JMJD1C: variants seen among roughly 807,000 people sequenced by gnomAD.
The protein encoded by JMJD1C is jumonji domain containing 1C.
JMJD1C carries 31 observed loss-of-function variants against 245.3 expected under a neutral mutation model. The ratio of observed to expected loss-of-function variants is 0.13; its 90% CI spans 0.09 to 0.17. The LOEUF is 0.17. JMJD1C is among the 10% of genes least tolerant of loss of function. The probability of loss-of-function intolerance (pLI) is 1.00; values close to 1 mark genes in which losing one functional copy is unlikely to be tolerated. For missense variants in JMJD1C, 2,691 were observed against 3,000.2 expected, an observed-to-expected ratio of 0.90 and a Z score of 2.41; for synonymous variants, 1,057 against 1,017.4, an observed-to-expected ratio of 1.04 and a Z score of -0.74.
chr10:63,508,850 A>G (rs1256739567), intron 1 of JMJD1C, among the ~76,000 whole-genome samples: 3 of 152,098 alleles, frequency 2.0e-5, no homozygotes, highest in African/African-American at 7.2e-5. Context: ...ATTCTTTTGA[A>G]TTTTCTTCAT....
chr10:63,395,800 T>C (rs1415920040), intron 1 of JMJD1C, among the ~76,000 whole-genome samples: 1 of 152,148 alleles, frequency 6.6e-6, no homozygotes, highest in African/African-American at 2.4e-5. Context: ...ACAATAAAGA[T>C]GAATTTCTAA....
rs116817017 is a variant in JMJD1C at position 63,200,004 on chromosome 10, T to C, written c.5276+472A>G. Among the ~76,000 whole-genome samples the C allele has an allele frequency of 6.0e-3, 919 of 152,234 alleles. 8 individuals are homozygous for C. Among genetic ancestry groups the C allele is most frequent in the African/African-American group, 0.021 (877 of 41,548 alleles). ...AGTTGTCCTACCACAGTTAATAAAC[T>C]CACACAGGAACTAAGAGACAGAGAT... On this transcript the variant is annotated intron_variant, in intron 11 of 25. Transcript: ENST00000399262.
At chr10:63,288,474 G>A (rs1309488863) in intron 2 of JMJD1C, among the ~76,000 whole-genome samples, 1 of 152,156 alleles carries the variant, frequency 6.6e-6, no homozygotes, top group East Asian at 1.9e-4. Context: ...TTAGGTTTTG[G>A]GGTAGATGTG....
At chr10:63,407,030 A>G (rs746857181) in intron 1 of JMJD1C, among the ~76,000 whole-genome samples, 2 of 152,162 alleles carry the variant, frequency 1.3e-5, no homozygotes, top group Non-Finnish European at 2.9e-5. Context: ...CTAAAGCCAA[A>G]TATTAGGGAA....
At chr10:63,353,611 G>A (rs916862602) in intron 2 of JMJD1C, among the ~76,000 whole-genome samples, 3 of 151,968 alleles carry the variant, frequency 2.0e-5, no homozygotes, top group African/African-American at 7.3e-5. Flanking sequence ...TTCCTCCCAA[G>A]TTCAAGTGAT....
At chr10:63,273,709 G>T (rs548087901) in intron 2 of JMJD1C, among the ~76,000 whole-genome samples, 1 of 152,138 alleles carries the variant, frequency 6.6e-6, no homozygotes, top group African/African-American at 2.4e-5. Context: ...CAGGCTAGGG[G>T]AAGAGGAAAC....
intron 2 of JMJD1C, among the ~76,000 whole-genome samples, chr10:63,288,928 TG>T: frequency 8.9e-6 from 1 of 112,450 alleles, no homozygotes; most frequent in Non-Finnish European, 1.6e-5. Context: ...ATAATAATAA[TG>T]ATAATAATCT....
intron 2 of JMJD1C, among the ~76,000 whole-genome samples, chr10:63,355,868 C>T (rs1944798725): frequency 6.6e-6 from 1 of 152,040 alleles, no homozygotes; most frequent in African/African-American, 2.4e-5. Context: ...AATGAGGTTT[C>T]AAGGCTAGCT....
At chr10:63,398,364 C>T (rs1181504390) in intron 1 of JMJD1C, among the ~76,000 whole-genome samples, 2 of 152,060 alleles carry the variant, frequency 1.3e-5, no homozygotes, top group Admixed American at 1.3e-4. Flanking sequence ...CTTCAATTAC[C>T]TGTATTTTAC....
At chr10:63,378,361 G>A (rs1468232264) in intron 2 of JMJD1C, among the ~76,000 whole-genome samples, 1 of 152,116 alleles carries the variant, frequency 6.6e-6, no homozygotes, top group East Asian at 1.9e-4. Flanking sequence ...GAGGGCCGAG[G>A]CGGGTGGATC....
At chr10:63,409,762 C>T (rs1231137292) in intron 1 of JMJD1C, among the ~76,000 whole-genome samples, 2 of 152,122 alleles carry the variant, frequency 1.3e-5, no homozygotes, top group Non-Finnish European at 2.9e-5. Flanking sequence ...GAAGCATTTG[C>T]TTTTCAGTGA....
At chr10:63,510,868 TTTG>T (rs1564979793) in intron 1 of JMJD1C, among the ~76,000 whole-genome samples, 1 of 152,268 alleles carries the variant, frequency 6.6e-6, no homozygotes, top group Non-Finnish European at 1.5e-5. Context: ...ATTCTGATGC[TTTG>T]TTGTTAGGCA....
intron 14 of JMJD1C, among the ~76,000 whole-genome samples, chr10:63,194,030 A>G (rs1357111131): frequency 6.6e-6 from 1 of 152,210 alleles, no homozygotes; most frequent in Non-Finnish European, 1.5e-5. Context: ...AATTATAAGA[A>G]GCTTTCATTA....
intron 1 of JMJD1C, among the ~76,000 whole-genome samples, chr10:63,404,853 A>T (rs1949076539): frequency 6.6e-6 from 1 of 152,224 alleles, no homozygotes; most frequent in African/African-American, 2.4e-5. Flanking sequence ...TTTTAAAATG[A>T]AACAAAAGCA....
intron 1 of JMJD1C, among the ~76,000 whole-genome samples, chr10:63,494,221 G>T (rs1250722649): frequency 1.3e-5 from 2 of 151,962 alleles, no homozygotes; most frequent in African/African-American, 4.8e-5. Flanking sequence ...TGAGGCAGGA[G>T]AATCACTTGA....
At chr10:63,296,098 G>A (rs1420768685) in intron 2 of JMJD1C, among the ~76,000 whole-genome samples, 2 of 149,500 alleles carry the variant, frequency 1.3e-5, no homozygotes, top group Non-Finnish European at 3.0e-5. Flanking sequence ...TGCAACCTCC[G>A]CCTCCCAGGT....
At chr10:63,516,694 A>T (rs1263867511) in intron 1 of JMJD1C, among the ~76,000 whole-genome samples, 1 of 152,238 alleles carries the variant, frequency 6.6e-6, no homozygotes, top group African/African-American at 2.4e-5. Context: ...TAAGAATCTC[A>T]GATAATGTCA....
intron 1 of JMJD1C, among the ~76,000 whole-genome samples, chr10:63,499,652 T>C (rs1470001683): frequency 6.6e-6 from 1 of 152,060 alleles, no homozygotes; most frequent in African/African-American, 2.4e-5. Flanking sequence ...TGAAAGGCTA[T>C]ACACCCAAAT....
At position 63,214,030 on chromosome 10, in the gene JMJD1C, C is replaced by T; in HGVS notation, c.2137G>A (p.Val713Ile). ...CCAATAAGTGCAGGATCTCTGTAAA[C>T]TGTAAAATGCTCATTTTTATCAATG... ...LIIDKNEHFT[V>I]YRDPALIGSE... The change falls in exon 8 of 26, where the codon GTT becomes ATT. Residue 713 changes from valine (V) to isoleucine (I), a missense_variant. This residue lies in a region of JMJD1C where 1,562 missense variants were observed against 1,490.7 expected (regional missense o/e 1.05). Coordinates refer to ENST00000399262, the MANE Select transcript of JMJD1C (RefSeq NM_032776.3). 6.2e-7 allele frequency: 1 copy of T among 1,614,170 alleles called. No homozygotes were observed. The highest frequency in any genetic ancestry group is 1.1e-5 in the South Asian group (1 of 91,086).
Sources: allele counts gnomAD v4.1 joint callset (sites outside exome capture counted in the v4.1 genomes callset), GRCh38; gene constraint gnomAD v4.1.1; regional missense constraint gnomAD v4.1.1; transcripts MANE v1.5; gene names NCBI Gene and HGNC (gene_info 2026-07-23, HGNC 2026-07-21).